Variants in KCNIP4 observed in about 807,000 individuals in gnomAD.
The protein encoded by KCNIP4 is potassium voltage-gated channel interacting protein 4.
A neutral mutation model predicts 34.0 loss-of-function variants in KCNIP4; 12 were observed. The ratio of observed to expected loss-of-function variants is 0.35; its 90% CI spans 0.23 to 0.57. The LOEUF (loss-of-function observed/expected upper bound fraction) is 0.57, where lower values mean the gene tolerates loss of function less well. KCNIP4 is among the 20% of genes least tolerant of loss of function. The pLI is 0.83. For synonymous variants in KCNIP4, 124 were observed against 102.2 expected, an observed-to-expected ratio of 1.21 and a Z score of -1.29; for missense variants, 238 against 311.7, an observed-to-expected ratio of 0.76 and a Z score of 1.78.
intron 1 of KCNIP4, among the ~76,000 whole-genome samples, chr4:21,505,185 T>C (rs1416453363): frequency 6.6e-6 from 1 of 152,104 alleles, no homozygotes; most frequent in African/African-American, 2.4e-5. Context: ...TAGAGAGACA[T>C]GTTCTTGAAC....
At chr4:20,827,924 T>C (rs1717956017) in intron 3 of KCNIP4, among the ~76,000 whole-genome samples, 1 of 145,826 alleles carries the variant, frequency 6.9e-6, no homozygotes, top group East Asian at 2.0e-4. Context: ...TACTCTCTAT[T>C]AGGGTAATAA....
Position 21,396,874 on chromosome 4 carries a change from C to A in KCNIP4, c.62-514165G>T, listed in dbSNP as rs115736384. On this transcript the variant is annotated intron_variant, in intron 1 of 8. Transcript: ENST00000382152. ...AGAAGGAGCCCAGCCTTGCTGACAC[C>A]TTGATTTTAGCCCAGTGAAATGAAT... is the stretch of plus-strand genomic sequence containing the variant. Among the ~76,000 whole-genome samples the A allele has an allele frequency of 4.4e-3, 677 of 152,252 alleles. 6 individuals carry two copies. Among genetic ancestry groups the A allele is most frequent in the African/African-American group, 0.015 (639 of 41,558 alleles).
At chr4:21,865,061 TA>T (rs1725334503) in intron 1 of KCNIP4, among the ~76,000 whole-genome samples, 1 of 151,944 alleles carries the variant, frequency 6.6e-6, no homozygotes. Context: ...CCCAAGGAGC[TA>T]TAAGAGAATA....
At chr4:20,878,044 A>T (rs370420879) in intron 2 of KCNIP4, among the ~76,000 whole-genome samples, 1 of 152,020 alleles carries the variant, frequency 6.6e-6, no homozygotes, top group Non-Finnish European at 1.5e-5. Context: ...AGCTCCCTCA[A>T]TCAATATCAG....
chr4:21,426,615 G>A (rs918112960), intron 1 of KCNIP4, among the ~76,000 whole-genome samples: 3 of 151,860 alleles, frequency 2.0e-5, no homozygotes, highest in African/African-American at 7.3e-5. Flanking sequence ...AGGTTAAATG[G>A]AGAAAAATGT....
At chr4:21,420,179 A>G (rs1241380727) in intron 1 of KCNIP4, among the ~76,000 whole-genome samples, 1 of 152,212 alleles carries the variant, frequency 6.6e-6, no homozygotes, top group Admixed American at 6.5e-5. Flanking sequence ...TATTAGCATT[A>G]CTAAGGAATG....
Position 20,809,527 on chromosome 4 carries a change from C to T in KCNIP4, c.288+41016G>A, listed in dbSNP as rs10452116. 2.7e-3 allele frequency among the ~76,000 whole-genome samples: 415 copies of T among 152,234 alleles called. 1 individual carries two copies. Among genetic ancestry groups the T allele is most frequent in the Admixed American group, 4.5e-3 (69 of 15,280 alleles). ...ATTCTGGCTTATAGGCTATTTCTTT[C>T]TGTGTGTCTCTTTCTCTTCACTCTT... On this transcript the variant is annotated intron_variant, in intron 3 of 8. Coordinates refer to ENST00000382152, the MANE Select transcript of KCNIP4 (RefSeq NM_025221.6).
intron 1 of KCNIP4, among the ~76,000 whole-genome samples, chr4:21,776,060 C>T (rs529018537): frequency 6.6e-6 from 1 of 152,170 alleles, no homozygotes; most frequent in Non-Finnish European, 1.5e-5. Flanking sequence ...GACACTAAGC[C>T]CTGGTGGCAT....
At chr4:20,897,808 C>T (rs562654226) in intron 1 of KCNIP4, among the ~76,000 whole-genome samples, 95 of 152,302 alleles carry the variant, frequency 6.2e-4, no homozygotes, top group East Asian at 3.1e-3. Context: ...GATGTCCAGC[C>T]TCCAGAACTG....
chr4:21,615,575 C>A (rs1744537990), intron 1 of KCNIP4, among the ~76,000 whole-genome samples: 2 of 147,466 alleles, frequency 1.4e-5, no homozygotes, highest in Admixed American at 6.8e-5. Context: ...CAAAAAAAAA[C>A]ATATAAAAGT....
intron 3 of KCNIP4, among the ~76,000 whole-genome samples, chr4:20,826,390 C>A (rs987409150): frequency 2.0e-5 from 3 of 151,826 alleles, no homozygotes; most frequent in Non-Finnish European, 4.4e-5. Flanking sequence ...GCCTGGGCAG[C>A]ATAGTGAGAC....
intron 1 of KCNIP4, among the ~76,000 whole-genome samples, chr4:21,525,336 A>G (rs758081114): frequency 6.6e-6 from 1 of 152,106 alleles, no homozygotes; most frequent in Non-Finnish European, 1.5e-5. Context: ...TAGTTGGACA[A>G]TTTGTAGGTA....
At chr4:20,885,001 C>G (rs1418977472) in intron 1 of KCNIP4, among the ~76,000 whole-genome samples, 2 of 152,044 alleles carry the variant, frequency 1.3e-5, no homozygotes, top group Non-Finnish European at 2.9e-5. Flanking sequence ...GCGCCCAGCC[C>G]CATGAGGCTT....
intron 1 of KCNIP4, among the ~76,000 whole-genome samples, chr4:21,853,594 T>C (rs957008554): frequency 2.0e-5 from 3 of 152,158 alleles, no homozygotes; most frequent in Non-Finnish European, 4.4e-5. Flanking sequence ...CCTATCACAT[T>C]ACTTATTAGG....
chr4:20,996,856 T>TCATCTCA (rs2149712597), intron 1 of KCNIP4, among the ~76,000 whole-genome samples: 1 of 152,226 alleles, frequency 6.6e-6, no homozygotes, highest in South Asian at 2.1e-4. Flanking sequence ...CCGACCTCAT[T>TCATCTCA]CATCTCACTG....
At chr4:21,096,529 AT>A (rs916851106) in intron 1 of KCNIP4, among the ~76,000 whole-genome samples, 5 of 152,126 alleles carry the variant, frequency 3.3e-5, no homozygotes, top group African/African-American at 1.2e-4. Flanking sequence ...TTCATCAAAT[AT>A]CTCCTCATTT....
At chr4:21,247,605 GTATA>G (rs1269390474) in intron 1 of KCNIP4, among the ~76,000 whole-genome samples, 5 of 116,288 alleles carry the variant, frequency 4.3e-5, no homozygotes, top group South Asian at 5.9e-4. Context: ...ACCACAGATG[GTATA>G]TATATTTATA....
intron 1 of KCNIP4, among the ~76,000 whole-genome samples, chr4:21,393,613 C>T (rs1722737769): frequency 6.6e-6 from 1 of 152,104 alleles, no homozygotes; most frequent in Non-Finnish European, 1.5e-5. Context: ...GTTTTACAGA[C>T]TAATGGTAAT....
chr4:21,060,991 T>A (rs1743866538), intron 1 of KCNIP4, among the ~76,000 whole-genome samples: 3 of 152,172 alleles, frequency 2.0e-5, no homozygotes, highest in African/African-American at 7.2e-5. Context: ...ATAACGAGCC[T>A]GTTAAAAGAT....
Sources: gnomAD v4.1 joint callset for allele counts (sites outside exome capture counted in the v4.1 genomes callset) on GRCh38, gnomAD v4.1.1 for gene constraint, MANE v1.5 for transcripts, NCBI Gene and HGNC (gene_info 2026-07-23, HGNC 2026-07-21) for gene names.